Variants in KIFC3 observed in about 807,000 individuals in gnomAD.
KIFC3 encodes the protein kinesin-like protein KIFC3.
Under a neutral mutation model 101.8 loss-of-function variants are expected in KIFC3, and 60 were observed. The observed-to-expected ratio is 0.59, with a 90% CI of 0.48 to 0.73. The LOEUF (loss-of-function observed/expected upper bound fraction) is 0.73, where lower values mean the gene tolerates loss of function less well. KIFC3 is among the 30% of genes least tolerant of loss of function. KIFC3 has a pLI of 0.00. For synonymous variants in KIFC3, 476 were observed against 482.7 expected (o/e 0.99, Z 0.18); for missense variants, 966 against 1,137.1 (o/e 0.85, Z 2.16).
intron 1 of KIFC3, chr16:57,846,570 C>A (rs1419514069): frequency 2.6e-5 from 4 of 152,248 alleles, no homozygotes; most frequent in African/African-American, 9.7e-5. Context: ...CATGTCAAAC[C>A]CTTTAAGGAA....
chr16:57,788,605 C>T (rs1555618849), intron 3 of KIFC3: 16 of 1,289,194 alleles, frequency 1.2e-5, no homozygotes, highest in Admixed American at 6.9e-5. Flanking sequence ...GTGCCACCAG[C>T]TTCCCGGGCC....
rs530403986 is a variant in KIFC3, at chr16:57,778,180, T to C, written c.316-5892A>G. 3.3e-5 allele frequency among the ~76,000 whole-genome samples: 5 copies of C among 152,222 alleles called. No homozygotes were observed. The East Asian group carries it at 5.8e-4, about 18-fold the overall frequency. ...CTGTGGTCCCAGCTACTAGGGAGGCTGAGGCGGGCAGATCACTTGAGCCCA... is the reference window on the plus strand; with the variant it reads ...CTGTGGTCCCAGCTACTAGGGAGGCCGAGGCGGGCAGATCACTTGAGCCCA... On this transcript the variant is annotated intron_variant, in intron 3 of 19. Transcript: ENST00000445690.
At chr16:57,781,008 G>A (rs2052670433) in intron 3 of KIFC3, among the ~76,000 whole-genome samples, 1 of 151,980 alleles carries the variant, frequency 6.6e-6, no homozygotes, top group African/African-American at 2.4e-5. Context: ...CTCTTGAGGT[G>A]CAGGGGGCAG....
Position 57,783,473 on chromosome 16 carries a change from T to TTTTC in KIFC3, c.316-11186_316-11185insGAAA, listed in dbSNP as rs1555615944. On this transcript the variant is annotated intron_variant, in intron 3 of 19. Transcript: ENST00000445690. ...TCTCCACAAAGCCCATTTTCTTTTC[T>TTTTC]TTTTTTTTTTTTTTTTGAGACAGAG... is the stretch of plus-strand genomic sequence containing the variant. Among the ~76,000 whole-genome samples, 91 of 115,574 alleles carry TTTTC rather than the reference T, an allele frequency of 7.9e-4. 1 individual carries two copies. Among genetic ancestry groups the TTTTC allele is most frequent in the African/African-American group, 3.4e-3 (73 of 21,420 alleles). 75.8% of individuals were successfully genotyped at this position (115,574 alleles called of 152,430 possible).
At chr16:57,763,202 C>T (rs1477406630) in intron 12 of KIFC3, among the ~76,000 whole-genome samples, 2 of 152,184 alleles carry the variant, frequency 1.3e-5, no homozygotes, top group East Asian at 1.9e-4. Context: ...GTGCCTGGCA[C>T]GATGCCTGAT....
chr16:57,803,691 C>A (rs543347203), upstream of KIFC3, among the ~76,000 whole-genome samples: 1 of 152,340 alleles, frequency 6.6e-6, no homozygotes, highest in East Asian at 1.9e-4. Flanking sequence ...CTGGAAGCAG[C>A]CTAGTGCATG....
intron 11 of KIFC3, among the ~76,000 whole-genome samples, chr16:57,764,901 C>T (rs561045900): frequency 1.6e-5 from 2 of 128,126 alleles, no homozygotes; most frequent in East Asian, 4.6e-4. Flanking sequence ...ATGGGAGGGG[C>T]CTGAGGGTGG....
intron 14 of KIFC3, 118 bp downstream of exon 14, chr16:57,761,295 A>G: frequency 6.3e-7 from 1 of 1,577,400 alleles, no homozygotes; most frequent in Non-Finnish European, 8.6e-7. Context: ...ACTGAGGCTC[A>G]GAGAGGCGTG....
chr16:57,779,398 G>T (rs1330291987), intron 3 of KIFC3: 1 of 152,232 alleles, frequency 6.6e-6, no homozygotes. Flanking sequence ...TGGCGAATGA[G>T]GAGTTACTCT....
At chr16:57,856,083 G>A (rs925562906) in intron 1 of KIFC3, among the ~76,000 whole-genome samples, 2 of 152,054 alleles carry the variant, frequency 1.3e-5, no homozygotes, top group Admixed American at 1.3e-4. Flanking sequence ...CAGCACTTTG[G>A]GAAGTGGAGG....
chr16:57,818,968 A>C (rs2055291647), intron 1 of KIFC3, among the ~76,000 whole-genome samples: 1 of 152,196 alleles, frequency 6.6e-6, no homozygotes, highest in African/African-American at 2.4e-5. Flanking sequence ...CCAAGAATCC[A>C]GGGGGCCCTC....
intron 3 of KIFC3, 162 bp from the exon 4 acceptor site, chr16:57,772,450 T>G: frequency 1.7e-6 from 1 of 578,284 alleles, no homozygotes; most frequent in Non-Finnish European, 3.1e-6. Flanking sequence ...CACCTGGGAC[T>G]TCAGGTGAGA....
chr16:57,777,860 G>C (rs2052300300), intron 3 of KIFC3, among the ~76,000 whole-genome samples: 1 of 152,158 alleles, frequency 6.6e-6, no homozygotes, highest in Admixed American at 6.5e-5. Context: ...AATGATTTTT[G>C]ACAAGGTTGC....
At chr16:57,785,331 G>T in intron 3 of KIFC3, 1 of 328,526 alleles carries the variant, frequency 3.0e-6, no homozygotes, top group East Asian at 1.2e-4. Context: ...ACCCTCCAGC[G>T]TATTCCAGGA....
At chr16:57,805,737 G>A (rs1223933384), upstream of KIFC3, among the ~76,000 whole-genome samples, 1 of 148,056 alleles carries the variant, frequency 6.8e-6, no homozygotes, top group Non-Finnish European at 1.5e-5. Flanking sequence ...GTGCAGTGGC[G>A]CAATCTCGGC....
intron 1 of KIFC3, among the ~76,000 whole-genome samples, chr16:57,861,911 T>G (rs960843274): frequency 6.6e-6 from 1 of 152,180 alleles, no homozygotes; most frequent in African/African-American, 2.4e-5. Flanking sequence ...ATTGTGCCAC[T>G]GCACTCCAGC....
At chr16:57,812,701 G>T (rs1476095161) in intron 1 of KIFC3, among the ~76,000 whole-genome samples, 2 of 152,252 alleles carry the variant, frequency 1.3e-5, no homozygotes, top group Non-Finnish European at 2.9e-5. Flanking sequence ...GTGTTGCTCA[G>T]ACAGGGAGGG....
intron 17 of KIFC3, 64 bp downstream of exon 17, chr16:57,760,218 C>T (rs2049673750): frequency 6.4e-7 from 1 of 1,556,486 alleles, no homozygotes; most frequent in Non-Finnish European, 8.7e-7. Flanking sequence ...GCTCCCTGCT[C>T]CTGCCATGAC....
chr16:57,796,166 T>C (rs1555622863), intron 2 of KIFC3, among the ~76,000 whole-genome samples: 1 of 152,202 alleles, frequency 6.6e-6, no homozygotes, highest in Non-Finnish European at 1.5e-5. Context: ...GTGCTAGGAT[T>C]ACAGGCGTGA....
Sources: allele counts gnomAD v4.1 joint callset (sites outside exome capture counted in the v4.1 genomes callset), GRCh38; gene constraint gnomAD v4.1.1; transcripts MANE v1.5; gene names NCBI Gene and HGNC (gene_info 2026-07-23, HGNC 2026-07-21).